The following AFF3 variants were observed in gnomAD, a reference collection of about 807,000 sequenced individuals.
AFF3 encodes the protein ALF transcription elongation factor 3.
Under a neutral mutation model 129.7 loss-of-function variants are expected in AFF3, and 32 were observed. That is an observed-to-expected ratio of 0.25 (90% CI 0.19 to 0.33). The LOEUF is 0.33. Ranked by LOEUF, AFF3 falls within the 10% of genes least tolerant of loss-of-function variation. The pLI, the probability that AFF3 is intolerant of heterozygous loss-of-function variation, is 1.00. For synonymous variants in AFF3, 644 were observed against 635.4 expected, an observed-to-expected ratio of 1.01 and a Z score of -0.20; for missense variants, 1,373 against 1,592.0, an observed-to-expected ratio of 0.86 and a Z score of 2.34.
chr2:99,856,111 A>G (rs1690504710), intron 7 of AFF3, among the ~76,000 whole-genome samples: 1 of 152,224 alleles, frequency 6.6e-6, no homozygotes, highest in South Asian at 2.1e-4. Flanking sequence ...AGATATGACA[A>G]CGAAATGTGT....
At chr2:100,128,274 G>A (rs1370445157) in intron 2 of AFF3, among the ~76,000 whole-genome samples, 2 of 152,048 alleles carry the variant, frequency 1.3e-5, no homozygotes, top group African/African-American at 4.8e-5. Flanking sequence ...CTGTGAACTC[G>A]CCCTGAATTC....
chr2:99,594,104 T>C lies in AFF3; in HGVS notation c.1557A>G (p.Arg519=). 6.2e-7 allele frequency: 1 copy of C among 1,614,058 alleles called. No homozygotes were observed. Among genetic ancestry groups the C allele is most frequent in the Non-Finnish European group, 8.5e-7 (1 of 1,179,972 alleles). The part of the protein sequence containing the change: ...KVPDVCQPSL[R]EKEIKSTCKE... ...TGCAAGTGCTCTTGATCTCCTTCTCTCTCAGGCTGGGCTGGCAAACGTCGG... is the reference window on the plus strand; with the variant it reads ...TGCAAGTGCTCTTGATCTCCTTCTCCCTCAGGCTGGGCTGGCAAACGTCGG... The change falls in exon 15 of 25, where the codon AGA becomes AGG. Residue 519 remains arginine, a synonymous_variant. Coordinates refer to ENST00000672756, the MANE Select transcript of AFF3 (RefSeq NM_001386135.1).
chr2:99,735,269 G>C (rs911466368), intron 10 of AFF3, among the ~76,000 whole-genome samples: 1 of 151,346 alleles, frequency 6.6e-6, no homozygotes, highest in African/African-American at 2.4e-5. Context: ...TTCTCTTTTT[G>C]TCCTGATCAA....
intron 7 of AFF3, among the ~76,000 whole-genome samples, chr2:99,887,495 T>C (rs776800287): frequency 3.3e-5 from 5 of 152,210 alleles, no homozygotes; most frequent in Non-Finnish European, 7.3e-5. Flanking sequence ...AGCAACACAT[T>C]ATCCGTGCTC....
intron 12 of AFF3, among the ~76,000 whole-genome samples, chr2:99,668,530 T>C (rs562362140): frequency 2.0e-5 from 3 of 151,966 alleles, no homozygotes; most frequent in African/African-American, 7.2e-5. Flanking sequence ...TAGAGAATTC[T>C]GCTAAATAAT....
intron 7 of AFF3, among the ~76,000 whole-genome samples, chr2:99,949,915 C>A (rs965571309): frequency 3.3e-5 from 5 of 152,100 alleles, no homozygotes; most frequent in Admixed American, 6.6e-5. Flanking sequence ...TATGAATGTT[C>A]TAAATACTCA....
chr2:99,770,967 T>C (rs1336054169), intron 8 of AFF3, among the ~76,000 whole-genome samples: 2 of 152,100 alleles, frequency 1.3e-5, no homozygotes, highest in African/African-American at 4.8e-5. Context: ...AGGGGTAGTG[T>C]AAGCACTCCC....
At chr2:100,076,242 ATCT>A (rs559835307) in intron 4 of AFF3, among the ~76,000 whole-genome samples, 1 of 152,196 alleles carries the variant, frequency 6.6e-6, no homozygotes, top group African/African-American at 2.4e-5. Flanking sequence ...AAACCGAGAT[ATCT>A]TCTTATCTAA....
chr2:99,639,880 G>A (rs1376645876), intron 13 of AFF3, among the ~76,000 whole-genome samples: 2 of 151,684 alleles, frequency 1.3e-5, no homozygotes, highest in African/African-American at 4.8e-5. Flanking sequence ...TTTAGTAGAG[G>A]TAGGGTTTCA....
Position 100,020,755 on chromosome 2 carries a change from C to T in AFF3, c.54-11823G>A, listed in dbSNP as rs141483426. ...CAACTCTCTCCTTCTGCACTGCCAA[C>T]TCCTTGGCCCAGGCCACCATGGGCT... On this transcript the variant is annotated intron_variant, in intron 4 of 24. Transcript: ENST00000672756. 4.2e-3 allele frequency among the ~76,000 whole-genome samples: 638 copies of T among 152,346 alleles called. 4 individuals carry two copies. The highest frequency in any genetic ancestry group is 0.014 in the African/African-American group (572 of 41,582).
chr2:99,924,683 T>C (rs1326328906), intron 7 of AFF3, among the ~76,000 whole-genome samples: 1 of 152,214 alleles, frequency 6.6e-6, no homozygotes, highest in African/African-American at 2.4e-5. Flanking sequence ...ACATTACTTA[T>C]AAACTCAAAC....
chr2:99,731,565 A>T (rs942433171), intron 10 of AFF3, among the ~76,000 whole-genome samples: 3 of 152,188 alleles, frequency 2.0e-5, no homozygotes, highest in Non-Finnish European at 4.4e-5. Context: ...ACCAAGATTT[A>T]AAATATTCAT....
At chr2:100,017,223 A>G (rs1388210288) in intron 4 of AFF3, among the ~76,000 whole-genome samples, 4 of 152,142 alleles carry the variant, frequency 2.6e-5, no homozygotes, top group African/African-American at 7.2e-5. Flanking sequence ...TTATGAGCCA[A>G]GTAATTTCAG....
chr2:99,742,008 T>C (rs569432608), intron 10 of AFF3, among the ~76,000 whole-genome samples: 4 of 152,134 alleles, frequency 2.6e-5, no homozygotes, highest in Non-Finnish European at 5.9e-5. Flanking sequence ...TCAGACTTAA[T>C]AGGAATATTA....
intron 8 of AFF3, among the ~76,000 whole-genome samples, chr2:99,771,549 G>T (rs1575931081): frequency 6.6e-6 from 1 of 152,258 alleles, no homozygotes; most frequent in African/African-American, 2.4e-5. Flanking sequence ...ACATTCTAGA[G>T]ATGCAAAGTT....
chr2:99,568,798 G>T, intron 19 of AFF3, 54 bp downstream of exon 19: 1 of 1,523,250 alleles, frequency 6.6e-7, no homozygotes. Context: ...CAGTGATGAA[G>T]CTGCAGTACA....
intron 7 of AFF3, among the ~76,000 whole-genome samples, chr2:99,988,781 C>T (rs1680093359): frequency 8.8e-6 from 1 of 113,692 alleles, no homozygotes; most frequent in Non-Finnish European, 2.0e-5. Flanking sequence ...TGAACACTGC[C>T]CTAGGAAAGA....
intron 8 of AFF3, among the ~76,000 whole-genome samples, chr2:99,827,700 T>C (rs1647150011): frequency 6.6e-6 from 1 of 151,934 alleles, no homozygotes; most frequent in African/African-American, 2.4e-5. Flanking sequence ...CATATATATA[T>C]GTACACACAC....
At chr2:100,060,275 T>TGTTA (rs1687162278) in intron 4 of AFF3, among the ~76,000 whole-genome samples, 1 of 152,232 alleles carries the variant, frequency 6.6e-6, no homozygotes, top group South Asian at 2.1e-4. Context: ...GCTTTACATG[T>TGTTA]GTTACCTCAT....
Sources: allele counts gnomAD v4.1 joint callset (sites outside exome capture counted in the v4.1 genomes callset), GRCh38; gene constraint gnomAD v4.1.1; transcripts MANE v1.5; gene names NCBI Gene and HGNC (gene_info 2026-07-23, HGNC 2026-07-21).